SEMA3A: variants seen among roughly 807,000 people sequenced by gnomAD.
The protein encoded by SEMA3A is semaphorin-3A.
A neutral mutation model predicts 97.9 loss-of-function variants in SEMA3A; 29 were observed. The observed-to-expected ratio is 0.30, with a 90% confidence interval of 0.22 to 0.40. The LOEUF (loss-of-function observed/expected upper bound fraction) is 0.40, where lower values mean the gene tolerates loss of function less well. Among genes scored for constraint, SEMA3A ranks in the 10% least tolerant of loss-of-function variants. The pLI is 1.00. For synonymous variants in SEMA3A, 321 were observed against 323.7 expected, an observed-to-expected ratio of 0.99 and a Z score of 0.09; for missense variants, 763 against 951.3, an observed-to-expected ratio of 0.80 and a Z score of 2.60.
intron 1 of SEMA3A, among the ~76,000 whole-genome samples, chr7:84,390,461 A>T (rs1377647453): frequency 6.6e-6 from 1 of 151,826 alleles, no homozygotes; most frequent in African/African-American, 2.4e-5. Context: ...GGTCATAAAT[A>T]TAATTTGTGA....
intron 2 of SEMA3A, among the ~76,000 whole-genome samples, chr7:84,336,776 T>C (rs1173667795): frequency 6.6e-6 from 1 of 152,158 alleles, no homozygotes. Context: ...ATATATATCT[T>C]CATGCATACA....
chr7:83,973,123 C>T (rs1280156633), intron 15 of SEMA3A, among the ~76,000 whole-genome samples: 2 of 152,110 alleles, frequency 1.3e-5, no homozygotes, highest in Admixed American at 6.6e-5. Context: ...TATGATACCT[C>T]TTTAAATTAA....
At chr7:84,445,822 CA>C (rs1367196831) in intron 1 of SEMA3A, among the ~76,000 whole-genome samples, 1 of 150,116 alleles carries the variant, frequency 6.7e-6, no homozygotes, top group African/African-American at 2.4e-5. Context: ...GGAAAAAATA[CA>C]GCAAAAGGAA....
chr7:84,081,583 A>G (rs1466041695), intron 4 of SEMA3A, among the ~76,000 whole-genome samples: 1 of 137,952 alleles, frequency 7.2e-6, no homozygotes, highest in Non-Finnish European at 1.5e-5. Context: ...ACAGAGCGAG[A>G]CTCCGTCTCT....
chr7:84,103,933 G>A (rs575053556), intron 4 of SEMA3A, among the ~76,000 whole-genome samples: 1 of 152,142 alleles, frequency 6.6e-6, no homozygotes, highest in Non-Finnish European at 1.5e-5. Flanking sequence ...TCCTCTTAAA[G>A]TAGATTATAT....
chr7:84,239,456 A>ATTTAT (rs1799310615), intron 3 of SEMA3A, among the ~76,000 whole-genome samples: 1 of 152,224 alleles, frequency 6.6e-6, no homozygotes, highest in African/African-American at 2.4e-5. Context: ...GAGAAATGGA[A>ATTTAT]GACATGGGTA....
intron 4 of SEMA3A, among the ~76,000 whole-genome samples, chr7:84,065,924 G>A (rs1004062375): frequency 1.1e-4 from 16 of 151,586 alleles, no homozygotes; most frequent in African/African-American, 3.4e-4. Flanking sequence ...ATTTTATGAG[G>A]CCAGCATCAT....
At chr7:83,998,843 C>G (rs534237701) in intron 12 of SEMA3A, among the ~76,000 whole-genome samples, 76 of 152,126 alleles carry the variant, frequency 5.0e-4, no homozygotes, top group Admixed American at 6.5e-4. Context: ...ATACACTAGC[C>G]TAGGCCTACA....
intron 1 of SEMA3A, among the ~76,000 whole-genome samples, chr7:84,441,724 G>A (rs1430828952): frequency 6.6e-6 from 1 of 152,080 alleles, no homozygotes. Context: ...AGACACACAT[G>A]GAGATATATT....
At chr7:84,258,012 C>G (rs1164387014) in intron 3 of SEMA3A, among the ~76,000 whole-genome samples, 2 of 152,122 alleles carry the variant, frequency 1.3e-5, no homozygotes, top group Non-Finnish European at 2.9e-5. Context: ...TGTGACATAT[C>G]TAAGACAAGA....
intron 1 of SEMA3A, among the ~76,000 whole-genome samples, chr7:84,155,642 G>A (rs930260895): frequency 3.3e-5 from 5 of 152,140 alleles, no homozygotes; most frequent in African/African-American, 1.2e-4. Context: ...TCATGTAGGA[G>A]AGGATAAGGA....
intron 2 of SEMA3A, among the ~76,000 whole-genome samples, chr7:84,348,691 G>A (rs1175020937): frequency 6.6e-6 from 1 of 152,016 alleles, no homozygotes; most frequent in East Asian, 1.9e-4. Context: ...TTCCATAAAC[G>A]TTCTGTATTT....
At chr7:84,197,888 C>G (rs1006481114), upstream of SEMA3A, among the ~76,000 whole-genome samples, 1 of 150,744 alleles carries the variant, frequency 6.6e-6, no homozygotes, top group Non-Finnish European at 1.5e-5. Context: ...TACAGGCACA[C>G]GCCGCCACGC....
chr7:84,048,003 C>T (rs548270162), intron 5 of SEMA3A, among the ~76,000 whole-genome samples: 8 of 151,918 alleles, frequency 5.3e-5, no homozygotes, highest in African/African-American at 1.7e-4. Context: ...GCAACATAAA[C>T]ATGTTATTAC....
At chr7:84,064,099 AG>A (rs1165704929) in intron 4 of SEMA3A, among the ~76,000 whole-genome samples, 1 of 152,114 alleles carries the variant, frequency 6.6e-6, no homozygotes, top group Non-Finnish European at 1.5e-5. Flanking sequence ...GCCAGAAGAG[AG>A]GGGGGGCCAA....
At chr7:84,273,655 T>C (rs931865989) in intron 3 of SEMA3A, among the ~76,000 whole-genome samples, 2 of 152,132 alleles carry the variant, frequency 1.3e-5, no homozygotes, top group Non-Finnish European at 2.9e-5. Context: ...TAGGCAGCAT[T>C]GAGGGTGCTG....
intron 2 of SEMA3A, among the ~76,000 whole-genome samples, chr7:84,313,100 A>C (rs1801386124): frequency 6.9e-6 from 1 of 144,396 alleles, no homozygotes. Flanking sequence ...TCATTAAGCC[A>C]TGATTTACTA....
At position 83,963,228 on chromosome 7, in the gene SEMA3A, G is replaced by A. The variant is rs780811023; in HGVS notation, c.1837C>T (p.Arg613Ter). 3 of 1,612,964 alleles carry A rather than the reference G, an allele frequency of 1.9e-6. No individual in the cohort carries two copies. Among genetic ancestry groups the A allele is most frequent in the Non-Finnish European group, 2.5e-6 (3 of 1,179,962 alleles). ...RALVYWQFQR[R>*]NEERKEEIRV... ...ACCTCTTCTTTTCGCTCTTCATTTC[G>A]CCTCTGGAATTGCCAATAGACCAGC... The change falls in exon 16 of 17, where the codon CGA (arginine) becomes TGA (stop). Residue 613 changes from arginine (R) to a stop codon, truncating the protein, a stop_gained. Coordinates refer to ENST00000265362, the MANE Select transcript of SEMA3A (RefSeq NM_006080.3). LOFTEE classifies it high-confidence loss of function.
chr7:84,449,022 A>G (rs575956090), intron 1 of SEMA3A, among the ~76,000 whole-genome samples: 3 of 152,310 alleles, frequency 2.0e-5, no homozygotes, highest in Admixed American at 6.5e-5. Flanking sequence ...ATTTCAACAA[A>G]ATTGCCAAGA....
Sources: gnomAD v4.1 joint callset for allele counts (sites outside exome capture counted in the v4.1 genomes callset) on GRCh38, gnomAD v4.1.1 for gene constraint, MANE v1.5 for transcripts, NCBI Gene and HGNC (gene_info 2026-07-23, HGNC 2026-07-21) for gene names.